The following MMEL1 variants were observed in gnomAD, a reference collection of about 807,000 sequenced individuals.
MMEL1 encodes membrane metallo-endopeptidase-like 1.
MMEL1 carries 98 observed loss-of-function variants against 117.1 expected under a neutral mutation model. The ratio of observed to expected loss-of-function variants is 0.84; its 90% CI spans 0.71 to 0.99. The LOEUF (loss-of-function observed/expected upper bound fraction) is 0.99, where lower values mean the gene tolerates loss of function less well. Ranked by LOEUF, MMEL1 falls within the 50% of genes least tolerant of loss-of-function variation. The probability of loss-of-function intolerance (pLI) is 0.00; values close to 1 mark genes in which losing one functional copy is unlikely to be tolerated. For synonymous variants in MMEL1, 390 were observed against 415.1 expected (o/e 0.94, Z 0.74); for missense variants, 1,014 against 1,049.1 (o/e 0.97, Z 0.46).
rs545270792 is a variant in MMEL1, at chr1:2,604,271, G to T, written c.827C>A (p.Ala276Asp). The change falls in exon 10 of 24, where the codon GCC becomes GAC. Residue 276 changes from alanine to aspartate, a missense_variant. Ala to Asp is a moderately radical substitution (Grantham distance 126, BLOSUM62 -2). Transcript: ENST00000378412. ...CACTGACACCATGAACTGCAGGTAG[G>T]CTTCCCGCACCTGGGCCAAAGGACG... ...NGGSNRKVRE[A>D]YLQFMVSVAT... 1 of 1,612,752 alleles carries T rather than the reference G, an allele frequency of 6.2e-7. No homozygotes were observed. Among genetic ancestry groups the T allele is most frequent in the South Asian group, 1.1e-5 (1 of 91,080 alleles).
chr1:2,605,055 G>A (rs1644999541), intron 9 of MMEL1, among the ~76,000 whole-genome samples: 1 of 152,112 alleles, frequency 6.6e-6, no homozygotes, highest in Non-Finnish European at 1.5e-5. Context: ...CCTGGTGCTG[G>A]ATGCCTTGCC....
intron 2 of MMEL1, among the ~76,000 whole-genome samples, chr1:2,614,204 C>G (rs1570695507): frequency 6.6e-6 from 1 of 152,074 alleles, no homozygotes; most frequent in East Asian, 1.9e-4. Context: ...CAGGGGAATC[C>G]CAGGATGAAA....
chr1:2,604,397 C>T (rs1343090758), intron 9 of MMEL1, 116 bp from the exon 10 acceptor site: 1 of 1,381,554 alleles, frequency 7.2e-7, no homozygotes, highest in Non-Finnish European at 9.9e-7. Flanking sequence ...TGCGTGTCCA[C>T]CCACCTTGAC....
At chr1:2,608,635 C>T (rs960622843) in intron 6 of MMEL1, among the ~76,000 whole-genome samples, 1 of 151,920 alleles carries the variant, frequency 6.6e-6, no homozygotes, top group South Asian at 2.1e-4. Flanking sequence ...CATGCACACA[C>T]AACATACACA....
At chr1:2,629,026 T>C (rs1638408050) in intron 2 of MMEL1, among the ~76,000 whole-genome samples, 1 of 149,418 alleles carries the variant, frequency 6.7e-6, no homozygotes, top group Admixed American at 6.6e-5. Context: ...CCTCCGGGAG[T>C]CCGGCGGAGG....
chr1:2,597,320 G>T (rs1644858885), intron 13 of MMEL1, among the ~76,000 whole-genome samples: 1 of 151,530 alleles, frequency 6.6e-6, no homozygotes, highest in African/African-American at 2.4e-5. Context: ...ACTCACAGAT[G>T]TCTCTGACCT....
chr1:2,618,971 A>G (rs772029667), intron 2 of MMEL1, among the ~76,000 whole-genome samples: 61 of 152,220 alleles, frequency 4.0e-4, no homozygotes, highest in Admixed American at 2.0e-3. Flanking sequence ...AGTTGCTCCC[A>G]CAAAAGGGAC....
intron 2 of MMEL1, among the ~76,000 whole-genome samples, chr1:2,620,632 T>C (rs6673993): frequency 0.45 from 68,992 of 151,802 alleles, 17,281 homozygotes; most frequent in African/African-American, 0.67. Context: ...GGGGGCATAA[T>C]CTGGTAAGTC....
intron 6 of MMEL1, among the ~76,000 whole-genome samples, chr1:2,607,776 G>A (rs1175144347): frequency 6.6e-6 from 1 of 152,050 alleles, no homozygotes; most frequent in South Asian, 2.1e-4. Flanking sequence ...GGCCTGGGGA[G>A]GCTGTGGCGG....
intron 20 of MMEL1, 45 bp from the exon 21 acceptor site, chr1:2,592,765 C>G: frequency 6.2e-7 from 1 of 1,610,386 alleles, no homozygotes; most frequent in Middle Eastern, 1.7e-4. Context: ...CCCTGACTTC[C>G]CTCTCCCTCA....
chr1:2,627,032 G>T (rs191446553), intron 2 of MMEL1, among the ~76,000 whole-genome samples: 9 of 152,272 alleles, frequency 5.9e-5, no homozygotes, highest in African/African-American at 1.9e-4. Flanking sequence ...AAGTTTCAAA[G>T]AAAAAGAATG....
At chr1:2,617,009 T>A (rs1020254222) in intron 2 of MMEL1, among the ~76,000 whole-genome samples, 1 of 152,228 alleles carries the variant, frequency 6.6e-6, no homozygotes, top group African/African-American at 2.4e-5. Context: ...TTTTTCCGTG[T>A]CGTCCCTTAA....
intron 2 of MMEL1, among the ~76,000 whole-genome samples, chr1:2,613,432 C>G (rs1303493865): frequency 6.6e-6 from 1 of 152,098 alleles, no homozygotes; most frequent in East Asian, 1.9e-4. Flanking sequence ...TCACCTCTGA[C>G]CAAAGTGGTG....
chr1:2,615,120 C>G (rs950793334), intron 2 of MMEL1, among the ~76,000 whole-genome samples: 1 of 152,140 alleles, frequency 6.6e-6, no homozygotes. Context: ...ATGCCAAATA[C>G]TTTAGGTAGA....
chr1:2,617,950 A>T (rs1369021643), intron 2 of MMEL1, among the ~76,000 whole-genome samples: 1 of 152,304 alleles, frequency 6.6e-6, no homozygotes, highest in African/African-American at 2.4e-5. Context: ...TTGTTCTTTT[A>T]TATTTGCTTG....
At chr1:2,610,981 C>T (rs988373141) in intron 4 of MMEL1, among the ~76,000 whole-genome samples, 1 of 152,274 alleles carries the variant, frequency 6.6e-6, no homozygotes, top group Non-Finnish European at 1.5e-5. Context: ...AAGAAAGTGG[C>T]TATTCATTGA....
At chr1:2,621,471 A>G (rs963659378) in intron 2 of MMEL1, among the ~76,000 whole-genome samples, 2 of 152,212 alleles carry the variant, frequency 1.3e-5, no homozygotes, top group African/African-American at 4.8e-5. Flanking sequence ...TCTTTAGATA[A>G]ACTCTTCCAG....
intron 4 of MMEL1, among the ~76,000 whole-genome samples, chr1:2,610,634 T>C (rs1645110205): frequency 6.6e-6 from 1 of 152,142 alleles, no homozygotes; most frequent in South Asian, 2.1e-4. Context: ...GCTAGAGGGG[T>C]TGGCTTTGCC....
chr1:2,619,412 CT>C lies in MMEL1; in HGVS notation c.155-7209del, dbSNP rs537164809. ...GTGGCTCATGCCTGTAATCCTAGCA[CT>C]TTGGGAGGCCAAGGTGGGCAGATCA... is the stretch of plus-strand genomic sequence containing the variant. On this transcript the variant is annotated intron_variant, in intron 2 of 23. Transcript: ENST00000378412. 3.3e-5 allele frequency among the ~76,000 whole-genome samples: 5 copies of C among 152,264 alleles called. No individual in the cohort carries two copies. The South Asian group carries it at 1.0e-3, about 32-fold the overall frequency.
Sources: allele counts gnomAD v4.1 joint callset (sites outside exome capture counted in the v4.1 genomes callset), GRCh38; gene constraint gnomAD v4.1.1; transcripts MANE v1.5; gene names NCBI Gene and HGNC (gene_info 2026-07-23, HGNC 2026-07-21).